The following MON2 variants were observed in gnomAD, a reference collection of about 807,000 sequenced individuals.
MON2 encodes the protein protein MON2 homolog.
In MON2, 84 loss-of-function variants were observed where a neutral mutation model predicts 208.6. The ratio of observed to expected loss-of-function variants is 0.40; its 90% CI spans 0.34 to 0.48. The LOEUF (loss-of-function observed/expected upper bound fraction) is 0.48. Among genes scored for constraint, MON2 ranks in the 20% least tolerant of loss-of-function variants. MON2 has a pLI of 0.59. For missense variants in MON2, 1,611 were observed against 2,015.4 expected (o/e 0.80, Z 3.84); for synonymous variants, 660 against 694.0 (o/e 0.95, Z 0.77).
chr12:62,478,121 T>TTGTGTGTGTGTG (rs59861392), intron 1 of MON2, among the ~76,000 whole-genome samples: 11 of 149,690 alleles, frequency 7.3e-5, no homozygotes, highest in Non-Finnish European at 1.5e-4. Flanking sequence ...TAGATATAAT[T>TTGTGTGTGTGTG]TGTGTGTGTG....
In MON2 at chr12:62,565,064, CT is replaced by C. The variant is rs1397392153; in HGVS notation, c.4033-170del. The stretch of plus-strand genomic sequence containing the variant: ...AGCTGATTAACAGTTTCAGCCTATA[CT>C]TTATTCTATAACAGTTTAAAATAGT... On this transcript the variant is annotated intron_variant, in intron 26 of 34. Transcript: ENST00000393630. The C allele has an allele frequency of 5.3e-6, 3 of 570,540 alleles. No individual in the cohort carries two copies. The African/African-American group carries it at 5.9e-5, about 11-fold the overall frequency. 35.3% of individuals were successfully genotyped at this position (570,540 alleles called of 1,614,324 possible).
intron 3 of MON2, among the ~76,000 whole-genome samples, 159 bp downstream of exon 3, chr12:62,494,201 T>C (rs574743415): frequency 6.6e-6 from 1 of 152,344 alleles, no homozygotes; most frequent in Admixed American, 6.5e-5. Flanking sequence ...AATTTTCTCC[T>C]CATTAAACAC....
chr12:62,534,060 G>A lies in MON2; in HGVS notation c.1634-785G>A, dbSNP rs552004403. On this transcript the variant is annotated intron_variant, in intron 12 of 34. Transcript: ENST00000393630. ...TGCCCTCACTCCAACTGGTCACACAGGCTGAGAAAGTTTGGGTTGATGAAG... is the reference window on the plus strand; with the variant it reads ...TGCCCTCACTCCAACTGGTCACACAAGCTGAGAAAGTTTGGGTTGATGAAG... Among the ~76,000 whole-genome samples the A allele has an allele frequency of 5.9e-5, 9 of 152,272 alleles. No individual in the cohort carries two copies. The South Asian group carries it at 1.7e-3, about 28-fold the overall frequency.
At chr12:62,566,498 T>C in intron 29 of MON2, 48 bp downstream of exon 29, 1 of 1,526,124 alleles carries the variant, frequency 6.6e-7, no homozygotes, top group Non-Finnish European at 9.0e-7. Context: ...GTGAACATTA[T>C]TGAAATTATT....
chr12:62,474,524 G>T (rs766762830), intron 1 of MON2, among the ~76,000 whole-genome samples: 2 of 151,812 alleles, frequency 1.3e-5, no homozygotes, highest in Non-Finnish European at 2.9e-5. Context: ...TCCCGGGTTC[G>T]AGTGATTCTC....
At chr12:62,568,141 G>A (rs921664934) in intron 29 of MON2, among the ~76,000 whole-genome samples, 2 of 152,288 alleles carry the variant, frequency 1.3e-5, no homozygotes, top group East Asian at 3.9e-4. Flanking sequence ...AGGTTAAAAA[G>A]GGGGAGGCAG....
intron 8 of MON2, among the ~76,000 whole-genome samples, chr12:62,512,597 A>G (rs537804497): frequency 1.3e-4 from 20 of 152,214 alleles, no homozygotes; most frequent in Non-Finnish European, 1.9e-4. Flanking sequence ...AGGTGCTTTC[A>G]TGGCCTGCTG....
At position 62,598,260 on chromosome 12, in the gene MON2, A is replaced by G. The variant is rs1440298497; in HGVS notation, c.*5511A>G. ...ATTCTATCCCCTCAAGTATGAAAAAATTAAATTTTCAGACCATTTTCAGTT... is the reference window on the plus strand; with the variant it reads ...ATTCTATCCCCTCAAGTATGAAAAAGTTAAATTTTCAGACCATTTTCAGTT... On this transcript the variant is annotated 3_prime_UTR_variant, in exon 35 of 35. Coordinates refer to ENST00000393630, the MANE Select transcript of MON2 (RefSeq NM_015026.3). The G allele has an allele frequency of 6.6e-6, 1 of 152,170 alleles. No individual in the cohort carries two copies. Among genetic ancestry groups the G allele is most frequent in the Non-Finnish European group, 1.5e-5 (1 of 68,024 alleles). The allele number at this position is 152,170 out of a possible 1,614,324, so 9.4% of individuals were successfully genotyped here.
At chr12:62,576,348 A>G (rs2074781123) in intron 30 of MON2, among the ~76,000 whole-genome samples, 1 of 152,062 alleles carries the variant, frequency 6.6e-6, no homozygotes. Flanking sequence ...TAATGGGTAC[A>G]GATCTTTTTG....
intron 11 of MON2, 34 bp downstream of exon 11, chr12:62,526,136 ATGT>A: frequency 1.3e-6 from 2 of 1,594,588 alleles, no homozygotes; most frequent in Non-Finnish European, 1.7e-6. Context: ...ATAAGGAATG[ATGT>A]TGTTGGGGGT....
rs758540809 is a variant in MON2, at chr12:62,493,916, A to G, written c.177A>G (p.Ala59=). 8.3e-6 allele frequency: 13 copies of G among 1,571,040 alleles called. No individual in the cohort carries two copies. The highest frequency in any genetic ancestry group is 1.0e-5 in the Non-Finnish European group (12 of 1,155,558). ...ACTTTATATGTGTTCTAAATGAAGC[A>G]CTGAAAGAGAACAGCTCAGAGGTTG... ...IAARNTEILA[A]LKENSSEVVQ... is the part of the protein sequence containing the mutation. The change falls in exon 3 of 35, where the codon GCA becomes GCG. Residue 59 remains alanine, a splice_region_variant and synonymous_variant. Transcript: ENST00000393630.
At chr12:62,541,823 T>G (rs1160210351) in intron 19 of MON2, among the ~76,000 whole-genome samples, 1 of 152,192 alleles carries the variant, frequency 6.6e-6, no homozygotes, top group Non-Finnish European at 1.5e-5. Flanking sequence ...CATATTCTTT[T>G]ACATGATTCC....
At chr12:62,523,949 G>C (rs1592951697) in intron 8 of MON2, among the ~76,000 whole-genome samples, 1 of 152,170 alleles carries the variant, frequency 6.6e-6, no homozygotes, top group Non-Finnish European at 1.5e-5. Context: ...GCTGAGAAAT[G>C]GTCTATATTA....
chr12:62,500,721 A>G (rs2070781122), intron 5 of MON2, 62 bp from the exon 6 acceptor site: 1 of 728,090 alleles, frequency 1.4e-6, no homozygotes, highest in Non-Finnish European at 2.3e-6. Flanking sequence ...TCTTTTAAAC[A>G]GAATATATAA....
chr12:62,506,554 C>T (rs768482917), intron 7 of MON2, among the ~76,000 whole-genome samples: 2 of 151,912 alleles, frequency 1.3e-5, no homozygotes, highest in Non-Finnish European at 2.9e-5. Context: ...GGTGAAACCC[C>T]GTCTCTACTA....
intron 11 of MON2, among the ~76,000 whole-genome samples, chr12:62,528,590 T>A (rs377310196): frequency 2.6e-5 from 4 of 152,220 alleles, no homozygotes; most frequent in South Asian, 2.1e-4. Flanking sequence ...ATAAAAAGTA[T>A]AAATTACCCT....
chr12:62,539,337 G>A lies in MON2; in HGVS notation c.2364+832G>A, dbSNP rs187743689. Among the ~76,000 whole-genome samples, 367 of 150,810 alleles carry A rather than the reference G, an allele frequency of 2.4e-3. 2 individuals carry two copies. The highest frequency in any genetic ancestry group is 8.4e-3 in the African/African-American group (346 of 41,060). On this transcript the variant is annotated intron_variant, in intron 19 of 34. Transcript: ENST00000393630. The stretch of plus-strand genomic sequence containing the variant: ...GGCTAGAGTGCAGTGGCGCAATCTC[G>A]GGTCACTGCTCTGCCTCCCAGGTTC...
intron 8 of MON2, among the ~76,000 whole-genome samples, chr12:62,512,736 G>A (rs1280265993): frequency 6.6e-6 from 1 of 152,204 alleles, no homozygotes; most frequent in African/African-American, 2.4e-5. Context: ...CTGTGTGGGG[G>A]CTCTGACCTC....
intron 30 of MON2, among the ~76,000 whole-genome samples, chr12:62,577,668 C>G (rs2074843101): frequency 6.6e-6 from 1 of 152,022 alleles, no homozygotes; most frequent in Non-Finnish European, 1.5e-5. Flanking sequence ...GTTCCCTCTT[C>G]TCTTGATTAT....
Sources: allele counts gnomAD v4.1 joint callset (sites outside exome capture counted in the v4.1 genomes callset), GRCh38; gene constraint gnomAD v4.1.1; transcripts MANE v1.5; gene names NCBI Gene and HGNC (gene_info 2026-07-23, HGNC 2026-07-21).